Variants in TRIM33 observed in about 807,000 individuals in gnomAD.
The protein encoded by TRIM33 is E3 ubiquitin-protein ligase TRIM33.
Under a neutral mutation model 125.4 loss-of-function variants are expected in TRIM33, and 20 were observed. The observed-to-expected ratio is 0.16, with a 90% CI of 0.11 to 0.23. TRIM33 has a LOEUF of 0.23. Ranked by LOEUF, TRIM33 falls within the 10% of genes least tolerant of loss-of-function variation. The pLI is 1.00. For missense variants in TRIM33, 920 were observed against 1,411.4 expected, an observed-to-expected ratio of 0.65 and a Z score of 5.58; for synonymous variants, 564 against 513.9, an observed-to-expected ratio of 1.10 and a Z score of -1.32.
At chr1:114,470,438 C>T (rs1268402666) in intron 1 of TRIM33, among the ~76,000 whole-genome samples, 2 of 152,056 alleles carry the variant, frequency 1.3e-5, no homozygotes, top group South Asian at 2.1e-4. Context: ...CCACAAACTG[C>T]GCCCAATGAA....
At chr1:114,414,725 T>C (rs1299883916) in intron 11 of TRIM33, among the ~76,000 whole-genome samples, 1 of 152,192 alleles carries the variant, frequency 6.6e-6, no homozygotes, top group Non-Finnish European at 1.5e-5. Context: ...GTAAACTCTA[T>C]GACAGCAGGT....
chr1:114,476,474 T>C (rs1435400798), intron 1 of TRIM33, among the ~76,000 whole-genome samples: 1 of 152,050 alleles, frequency 6.6e-6, no homozygotes, highest in Non-Finnish European at 1.5e-5. Context: ...TAAAACTTAG[T>C]TCTTTCCTTG....
chr1:114,404,463 T>G (rs1233092845), intron 15 of TRIM33: 1 of 152,170 alleles, frequency 6.6e-6, no homozygotes, highest in Non-Finnish European at 1.5e-5. Flanking sequence ...GCCAACATTT[T>G]ACAACCCTTT....
chr1:114,469,847 T>C (rs55758420), intron 1 of TRIM33, among the ~76,000 whole-genome samples: 1 of 152,264 alleles, frequency 6.6e-6, no homozygotes, highest in Non-Finnish European at 1.5e-5. Context: ...TAAAGAAGAA[T>C]GCTGCTTTAT....
chr1:114,429,270 C>A (rs1217002927), intron 6 of TRIM33, among the ~76,000 whole-genome samples: 3 of 152,060 alleles, frequency 2.0e-5, no homozygotes, highest in Non-Finnish European at 2.9e-5. Flanking sequence ...TCACCGCAAC[C>A]TCCACCTCCC....
intron 2 of TRIM33, among the ~76,000 whole-genome samples, 184 bp downstream of exon 2, chr1:114,464,086 G>A (rs113946217): frequency 0.015 from 2,322 of 152,160 alleles, 49 homozygotes; most frequent in African/African-American, 0.048. Context: ...GACATTTTAA[G>A]TAATAGCTTT....
intron 1 of TRIM33, among the ~76,000 whole-genome samples, chr1:114,473,353 C>T (rs1349115861): frequency 6.6e-6 from 1 of 151,888 alleles, no homozygotes; most frequent in South Asian, 2.1e-4. Flanking sequence ...TGAACGCACA[C>T]CTGGACAAGG....
At chr1:114,405,293 C>T in intron 15 of TRIM33, 117 bp downstream of exon 15, 1 of 729,482 alleles carries the variant, frequency 1.4e-6, no homozygotes. Context: ...ATAACAGGCT[C>T]CCTGTTTTAT....
chr1:114,437,401 C>T (rs979510137), intron 4 of TRIM33, among the ~76,000 whole-genome samples: 6 of 152,136 alleles, frequency 3.9e-5, no homozygotes, highest in Admixed American at 3.3e-4. Flanking sequence ...TACAGTGGCA[C>T]GATTTCGGCT....
At chr1:114,477,645 T>C (rs1651056654) in intron 1 of TRIM33, among the ~76,000 whole-genome samples, 1 of 152,218 alleles carries the variant, frequency 6.6e-6, no homozygotes, top group Admixed American at 6.5e-5. Context: ...CAAGTTACTA[T>C]TCATCTCAAA....
intron 5 of TRIM33, among the ~76,000 whole-genome samples, chr1:114,432,744 C>T (rs1049444185): frequency 9.9e-5 from 15 of 152,114 alleles, no homozygotes; most frequent in Non-Finnish European, 2.9e-5. Flanking sequence ...AGAGATTGTG[C>T]CACTGCACTC....
Position 114,395,135 on chromosome 1 carries a change from T to G in TRIM33, c.*2513A>C, listed in dbSNP as rs1041159673. 1 of 198,512 alleles carries G rather than the reference T, an allele frequency of 5.0e-6. No individual in the cohort carries two copies. Among genetic ancestry groups the G allele is most frequent in the South Asian group, 1.9e-4 (1 of 5,232 alleles). 12.3% of individuals were successfully genotyped at this position (198,512 alleles called of 1,614,324 possible). ...TATATTAGAGCTGAAAAAATCAGCT[T>G]AGAAACACAACGATCAGTGTGCAAG... On this transcript the variant is annotated 3_prime_UTR_variant, in exon 20 of 20. Coordinates refer to ENST00000358465, the MANE Select transcript of TRIM33 (RefSeq NM_015906.4).
intron 4 of TRIM33, among the ~76,000 whole-genome samples, chr1:114,461,543 T>C (rs1046001579): frequency 6.6e-6 from 1 of 151,316 alleles, no homozygotes; most frequent in African/African-American, 2.4e-5. Flanking sequence ...TGTGTGAGTA[T>C]AGGAGGAGAA....
In TRIM33 at chr1:114,464,134, C is replaced by T. The variant is rs189967410; in HGVS notation, c.645+136G>A. ...CTAAGTTTGAGAGTATATAAGAAAG[C>T]TATCTTTAACTTTCTATTTGAAACA... On this transcript the variant is annotated intron_variant, in intron 2 of 19. Transcript: ENST00000358465. 3.3e-3 allele frequency: 1,685 copies of T among 507,196 alleles called. 31 individuals carry two copies. The highest frequency in any genetic ancestry group is 4.9e-4 in the Non-Finnish European group (138 of 284,422). 31.4% of individuals were successfully genotyped at this position (507,196 alleles called of 1,614,324 possible).
intron 11 of TRIM33, among the ~76,000 whole-genome samples, chr1:114,419,285 C>T (rs1359581843): frequency 6.6e-6 from 1 of 150,736 alleles, no homozygotes; most frequent in Non-Finnish European, 1.5e-5. Context: ...TGCAAAGAGA[C>T]TGATTTGAGT....
chr1:114,463,285 T>A, intron 3 of TRIM33, 49 bp from the exon 4 acceptor site: 2 of 1,563,588 alleles, frequency 1.3e-6, no homozygotes, highest in Non-Finnish European at 8.6e-7. Context: ...AAAATTTTTG[T>A]CTAGTTTTCT....
Position 114,398,929 on chromosome 1 carries a change from A to AC in TRIM33, c.3120+527_3120+528insG, listed in dbSNP as rs369484167. On this transcript the variant is annotated intron_variant, in intron 18 of 19. Transcript: ENST00000358465. ...AAAAAAAAAAAACAAAACAAAACAA[A>AC]ACAAAAAACAAAAAACTCCCCAAAC... Among the ~76,000 whole-genome samples, 622 of 149,856 alleles carry AC rather than the reference A, an allele frequency of 4.2e-3. 7 individuals are homozygous for AC. The highest frequency in any genetic ancestry group is 5.7e-3 in the Non-Finnish European group (383 of 67,586).
chr1:114,434,120 T>G (rs1006863175), intron 4 of TRIM33, among the ~76,000 whole-genome samples: 2 of 152,178 alleles, frequency 1.3e-5, no homozygotes, highest in Non-Finnish European at 2.9e-5. Flanking sequence ...CATCACAAAA[T>G]TACTGCTACC....
In TRIM33 at chr1:114,433,841, A is replaced by T. The variant is rs1572050161; in HGVS notation, c.924-108T>A. The T allele has an allele frequency of 6.0e-6, 4 of 664,278 alleles. No individual in the cohort carries two copies. The East Asian group carries it at 1.1e-4, about 18-fold the overall frequency. 41.1% of individuals were successfully genotyped at this position (664,278 alleles called of 1,614,324 possible). ...TCTTGAAACCTTAATTAAGTGATCA[A>T]CTCTATGCTGGCCACTCATACCTTA... On this transcript the variant is annotated intron_variant, in intron 4 of 19. Transcript: ENST00000358465.
Sources: allele counts gnomAD v4.1 joint callset (sites outside exome capture counted in the v4.1 genomes callset), GRCh38; gene constraint gnomAD v4.1.1; transcripts MANE v1.5; gene names NCBI Gene and HGNC (gene_info 2026-07-23, HGNC 2026-07-21).